Variants in GRB10 observed in about 807,000 individuals in gnomAD.
The protein encoded by GRB10 is growth factor receptor-bound protein 10.
Under a neutral mutation model 80.9 loss-of-function variants are expected in GRB10, and 20 were observed. The observed-to-expected ratio is 0.25, with a 90% confidence interval of 0.17 to 0.36. GRB10 has a LOEUF of 0.36. Among genes scored for constraint, GRB10 ranks in the 10% least tolerant of loss-of-function variants. GRB10 has a pLI of 1.00. For synonymous variants in GRB10, 291 were observed against 291.5 expected, an observed-to-expected ratio of 1.00 and a Z score of 0.02; for missense variants, 548 against 747.7, an observed-to-expected ratio of 0.73 and a Z score of 3.12.
At chr7:50,626,405 T>A (rs1247310722) in intron 8 of GRB10, among the ~76,000 whole-genome samples, 1 of 152,184 alleles carries the variant, frequency 6.6e-6, no homozygotes, top group African/African-American at 2.4e-5. Context: ...CTTCTTCCCA[T>A]GAGCTGAGGA....
chr7:50,674,349 C>T, intron 6 of GRB10, 87 bp downstream of exon 6: 1 of 1,311,042 alleles, frequency 7.6e-7, no homozygotes, highest in Non-Finnish European at 1.1e-6. Context: ...ACTATTCCCC[C>T]CAACACCATT....
chr7:50,661,411 G>A (rs1312847462), intron 7 of GRB10, among the ~76,000 whole-genome samples: 2 of 152,192 alleles, frequency 1.3e-5, no homozygotes, highest in African/African-American at 4.8e-5. Flanking sequence ...AATTGTGTTT[G>A]AATAACAAAT....
intron 5 of GRB10, among the ~76,000 whole-genome samples, chr7:50,692,679 A>G: frequency 6.6e-6 from 1 of 152,222 alleles, no homozygotes; most frequent in East Asian, 1.9e-4. Flanking sequence ...ACCAGGCAGT[A>G]TAGTAGAACC....
upstream of GRB10, among the ~76,000 whole-genome samples, chr7:50,785,229 AC>A (rs1169751280): frequency 1.3e-5 from 2 of 152,158 alleles, no homozygotes; most frequent in Non-Finnish European, 2.9e-5. Context: ...TTAAATGCTC[AC>A]TCACACAGGG....
At chr7:50,606,758 A>C (rs559049383) in intron 13 of GRB10, 1 of 329,900 alleles carries the variant, frequency 3.0e-6, no homozygotes, top group Non-Finnish European at 5.8e-6. Flanking sequence ...TAGAGAAAAA[A>C]ATGTTATTAA....
rs764113295 is a variant in GRB10, at chr7:50,619,242, A to G, written c.705T>C (p.Ser235=). The change falls in exon 9 of 19, where the codon AGT becomes AGC. Residue 235 remains serine (S), a synonymous_variant. Transcript: ENST00000401949. ...GAAATTTACTCTCACTGGCCATGGT[A>G]CTCTCCACCTGGACCACCAGCTCAT... ...EDHELVVQVE[S]TMASESKFLF... 4.3e-6 allele frequency: 7 copies of G among 1,613,504 alleles called. No individual in the cohort carries two copies. The highest frequency in any genetic ancestry group is 3.3e-5 in the Admixed American group (2 of 60,022).
intron 4 of GRB10, among the ~76,000 whole-genome samples, chr7:50,721,330 C>T (rs1373008896): frequency 6.6e-6 from 1 of 152,212 alleles, no homozygotes; most frequent in African/African-American, 2.4e-5. Context: ...ACTCCTCCCT[C>T]TGCCCAGGAT....
intron 4 of GRB10, among the ~76,000 whole-genome samples, chr7:50,710,614 T>C (rs891275120): frequency 1.3e-5 from 2 of 152,012 alleles, no homozygotes; most frequent in Non-Finnish European, 2.9e-5. Flanking sequence ...AGGAGTGCCA[T>C]CATCAGTGCG....
At chr7:50,689,959 T>C (rs1365330611) in intron 5 of GRB10, among the ~76,000 whole-genome samples, 1 of 151,044 alleles carries the variant, frequency 6.6e-6, no homozygotes, top group Non-Finnish European at 1.5e-5. Context: ...ATGACTAGAC[T>C]CTGGCTGATT....
intron 5 of GRB10, among the ~76,000 whole-genome samples, chr7:50,690,234 T>G (rs894533738): frequency 1.3e-5 from 2 of 151,392 alleles, no homozygotes; most frequent in African/African-American, 4.8e-5. Flanking sequence ...AGGTGGAGGT[T>G]GCGATGAGTC....
chr7:50,660,717 G>A (rs1231662937), intron 7 of GRB10, among the ~76,000 whole-genome samples: 1 of 152,188 alleles, frequency 6.6e-6, no homozygotes. Context: ...TGTGAGGGGG[G>A]CCGAGGACAG....
intron 12 of GRB10, among the ~76,000 whole-genome samples, chr7:50,614,230 G>C (rs2050109170): frequency 6.6e-6 from 1 of 152,210 alleles, no homozygotes. Flanking sequence ...GCACAAAGGT[G>C]TATGTCTATA....
chr7:50,626,684 G>T, intron 8 of GRB10, 138 bp downstream of exon 8: 1 of 928,004 alleles, frequency 1.1e-6, no homozygotes, highest in Middle Eastern at 3.2e-4. Context: ...AAACAGGAGA[G>T]TCGAGGGGAA....
intron 4 of GRB10, among the ~76,000 whole-genome samples, chr7:50,714,067 C>T (rs1302835545): frequency 2.6e-5 from 4 of 152,168 alleles, no homozygotes; most frequent in African/African-American, 4.8e-5. Context: ...ATCACCTCTA[C>T]CTCTTCCTCC....
intron 3 of GRB10, among the ~76,000 whole-genome samples, chr7:50,733,819 T>G (rs1171355061): frequency 2.0e-5 from 3 of 152,182 alleles, no homozygotes; most frequent in Admixed American, 6.5e-5. Flanking sequence ...AGGTATTCTG[T>G]AGGTGTGGTT....
intron 5 of GRB10, among the ~76,000 whole-genome samples, chr7:50,687,334 T>C (rs997225565): frequency 6.6e-6 from 1 of 152,248 alleles, no homozygotes. Context: ...TACCTGACCA[T>C]GCCAGGCCTC....
intron 2 of GRB10, among the ~76,000 whole-genome samples, chr7:50,767,222 C>T (rs989208017): frequency 1.3e-5 from 2 of 152,172 alleles, no homozygotes; most frequent in African/African-American, 2.4e-5. Flanking sequence ...GGCAGGAATA[C>T]CAGAATGCCC....
chr7:50,676,922 C>G (rs995038419), intron 5 of GRB10, among the ~76,000 whole-genome samples: 5 of 152,164 alleles, frequency 3.3e-5, no homozygotes, highest in African/African-American at 1.2e-4. Flanking sequence ...GCTGAAATGG[C>G]AGCGATGAGA....
At chr7:50,703,952 A>G in intron 4 of GRB10, 44 bp from the exon 5 acceptor site, 1 of 1,364,602 alleles carries the variant, frequency 7.3e-7, no homozygotes, top group Non-Finnish European at 1.0e-6. Flanking sequence ...AGTTCACAAG[A>G]AGCATCCCAC....
Sources: gnomAD v4.1 joint callset for allele counts (sites outside exome capture counted in the v4.1 genomes callset) on GRCh38, gnomAD v4.1.1 for gene constraint, MANE v1.5 for transcripts, NCBI Gene and HGNC (gene_info 2026-07-23, HGNC 2026-07-21) for gene names.